Variants in ZDHHC21 observed in about 807,000 individuals in gnomAD.
ZDHHC21 encodes the protein zDHHC palmitoyltransferase 21, also known as palmitoyltransferase ZDHHC21.
Under a neutral mutation model 34.6 loss-of-function variants are expected in ZDHHC21, and 15 were observed. That is an observed-to-expected ratio of 0.43 (90% CI 0.29 to 0.67). ZDHHC21 has a LOEUF of 0.67. Among genes scored for constraint, ZDHHC21 ranks in the 30% least tolerant of loss-of-function variants. The pLI, the probability that ZDHHC21 is intolerant of heterozygous loss-of-function variation, is 0.14. For missense variants in ZDHHC21, 344 were observed against 327.7 expected, an observed-to-expected ratio of 1.05 and a Z score of -0.38; for synonymous variants, 142 against 101.8, an observed-to-expected ratio of 1.40 and a Z score of -2.38.
chr9:14,672,354 A>G (rs1023054447), intron 5 of ZDHHC21, among the ~76,000 whole-genome samples: 2 of 152,220 alleles, frequency 1.3e-5, no homozygotes, highest in African/African-American at 4.8e-5. Context: ...CATATTTACA[A>G]AAGAATCAGG....
intron 8 of ZDHHC21, chr9:14,622,721 T>A (rs1825515194): frequency 1.0e-6 from 1 of 984,920 alleles, no homozygotes; most frequent in Admixed American, 6.2e-5. Flanking sequence ...GAATAAACAA[T>A]CTGTTATATG....
chr9:14,634,530 CACA>C (rs1308474249), intron 8 of ZDHHC21, among the ~76,000 whole-genome samples: 13 of 152,140 alleles, frequency 8.5e-5, no homozygotes, highest in Non-Finnish European at 1.5e-5. Flanking sequence ...AAAATTTCAC[CACA>C]ACATCCACTA....
chr9:14,630,242 C>A (rs1158767104), intron 8 of ZDHHC21, among the ~76,000 whole-genome samples: 1 of 152,184 alleles, frequency 6.6e-6, no homozygotes, highest in Non-Finnish European at 1.5e-5. Flanking sequence ...TCTTCTAAAT[C>A]CTTTGTTGTC....
intron 8 of ZDHHC21, among the ~76,000 whole-genome samples, chr9:14,634,058 A>T (rs1827838589): frequency 6.6e-6 from 1 of 152,158 alleles, no homozygotes; most frequent in Admixed American, 6.5e-5. Flanking sequence ...GTACCCAAGC[A>T]CACTGTCCAG....
chr9:14,596,422 C>T, the ZDHHC21 span, among the ~76,000 whole-genome samples: 1 of 152,192 alleles, frequency 6.6e-6, no homozygotes, highest in Non-Finnish European at 1.5e-5. Context: ...GTATGGCTAC[C>T]TGGAAATGGG....
chr9:14,626,338 T>C (rs79772404), intron 8 of ZDHHC21, among the ~76,000 whole-genome samples: 2,032 of 152,054 alleles, frequency 0.013, 52 homozygotes, highest in African/African-American at 0.046. Context: ...ATTCAGATCA[T>C]GAAATAATAA....
Position 14,672,867 on chromosome 9 carries a change from T to A in ZDHHC21, c.216A>T (p.Pro72=), listed in dbSNP as rs754989082. The A allele has an allele frequency of 6.2e-7, 1 of 1,609,430 alleles. No individual in the cohort carries two copies. Among genetic ancestry groups the A allele is most frequent in the Admixed American group, 1.7e-5 (1 of 59,920 alleles). The change falls in exon 5 of 10, where the codon CCA becomes CCT. Residue 72 remains proline (P), a synonymous_variant. Transcript: ENST00000380916. The part of the protein sequence containing the change: ...VALVRASITD[P]GRLPENPKIP... Reference sequence around the variant, plus strand: ...TCTTGGGGTTCTCAGGGAGTCTTCCTGGATCAGTTATGGAGGCCCTCACTA... The same window carrying A: ...TCTTGGGGTTCTCAGGGAGTCTTCCAGGATCAGTTATGGAGGCCCTCACTA...
chr9:14,627,201 G>C (rs1175765190), intron 8 of ZDHHC21, among the ~76,000 whole-genome samples: 1 of 152,074 alleles, frequency 6.6e-6, no homozygotes, highest in Non-Finnish European at 1.5e-5. Flanking sequence ...CGACTGATTC[G>C]TAAAATGCTG....
rs549275900 is a variant in ZDHHC21 at position 14,611,118 on chromosome 9, A to T, written c.*7848T>A. ...TTAAAAATAAGATTTCAAAAAATAC[A>T]GTACTTAATACATTTTGAGAAGTAA... On this transcript the variant is annotated 3_prime_UTR_variant, in exon 10 of 10. Transcript: ENST00000380916. 1.3e-3 allele frequency: 204 copies of T among 152,210 alleles called. 2 individuals carry two copies. Among genetic ancestry groups the T allele is most frequent in the African/African-American group, 4.7e-3 (197 of 41,570 alleles). The allele number at this position is 152,210 out of a possible 1,614,324, so 9.4% of individuals were successfully genotyped here. A position where few individuals can be genotyped will look rare whatever the true frequency, so the allele number is the denominator to read the frequency against.
chr9:14,658,372 G>A (rs1357038159), intron 7 of ZDHHC21, among the ~76,000 whole-genome samples: 1 of 135,764 alleles, frequency 7.4e-6, no homozygotes, highest in Non-Finnish European at 1.6e-5. Context: ...CCAATCTTTT[G>A]TTGTTTTGTT....
rs1219965138 is a variant in ZDHHC21, at chr9:14,618,756, GTAAACATGCTTTAAAACT to G, written c.*192_*209del. 1 of 432,848 alleles carries G rather than the reference GTAAACATGCTTTAAAACT, an allele frequency of 2.3e-6. No homozygotes were observed. The highest frequency in any genetic ancestry group is 3.8e-6 in the Non-Finnish European group (1 of 262,234). 26.8% of individuals were successfully genotyped at this position (432,848 alleles called of 1,614,324 possible). On this transcript the variant is annotated 3_prime_UTR_variant, in exon 10 of 10. Coordinates refer to ENST00000380916, the MANE Select transcript of ZDHHC21 (RefSeq NM_178566.6). ...ATCCCTGTGGAAAGCTAATTTGAAA[GTAAACATGCTTTAAAACT>G]TAAATATAGATCTTGTATTAGTCCC... is the stretch of plus-strand genomic sequence containing the variant.
At chr9:14,623,750 T>C (rs963377191) in intron 8 of ZDHHC21, among the ~76,000 whole-genome samples, 2 of 151,430 alleles carry the variant, frequency 1.3e-5, no homozygotes, top group Non-Finnish European at 2.9e-5. Flanking sequence ...TCAACACCAC[T>C]AGCCATCAGA....
At chr9:14,590,227 T>C in the ZDHHC21 span, among the ~76,000 whole-genome samples, 12 of 152,044 alleles carry the variant, frequency 7.9e-5, no homozygotes, top group South Asian at 6.3e-4. Flanking sequence ...ACATGAAACA[T>C]AGAAACTATT....
At chr9:14,684,852 G>C (rs564766861) in intron 2 of ZDHHC21, among the ~76,000 whole-genome samples, 2 of 152,282 alleles carry the variant, frequency 1.3e-5, no homozygotes, top group South Asian at 4.1e-4. Context: ...TACCAAAACA[G>C]AGATACAGAC....
chr9:14,652,728 T>A (rs192002694), intron 7 of ZDHHC21, among the ~76,000 whole-genome samples: 4 of 151,974 alleles, frequency 2.6e-5, no homozygotes, highest in African/African-American at 9.7e-5. Flanking sequence ...GAGCATAACA[T>A]ACAACGTACC....
In ZDHHC21 at chr9:14,693,381, C is replaced by G. The variant is rs905387487; in HGVS notation, c.-377G>C. ...GCTTCCGGGAGCCTGAGGGCCTGGA[C>G]CGGCCGAGTGGGTGTCCGCATGCCC... On this transcript the variant is annotated 5_prime_UTR_variant, in exon 1 of 10. Transcript: ENST00000380916. The G allele has an allele frequency of 8.3e-6, 3 of 361,002 alleles. No individual in the cohort carries two copies. The highest frequency in any genetic ancestry group is 1.9e-5 in the South Asian group (1 of 51,604). 22.4% of individuals were successfully genotyped at this position (361,002 alleles called of 1,614,324 possible).
intron 8 of ZDHHC21, among the ~76,000 whole-genome samples, chr9:14,626,354 A>T (rs1365123661): frequency 6.6e-6 from 1 of 151,992 alleles, no homozygotes; most frequent in African/African-American, 2.4e-5. Context: ...AATAAAATGA[A>T]TATCTAGGAA....
chr9:14,609,953 C>G (rs114986458), downstream of ZDHHC21, among the ~76,000 whole-genome samples: 1 of 151,970 alleles, frequency 6.6e-6, no homozygotes, highest in Admixed American at 6.6e-5. Context: ...TGGTCTAATG[C>G]GAAGCAGTAT....
At chr9:14,684,919 C>T (rs554210897) in intron 2 of ZDHHC21, among the ~76,000 whole-genome samples, 32 of 152,190 alleles carry the variant, frequency 2.1e-4, no homozygotes, top group Non-Finnish European at 3.8e-4. Flanking sequence ...ACCACCTGAT[C>T]TTTGACAAAT....
Sources: allele counts gnomAD v4.1 joint callset (sites outside exome capture counted in the v4.1 genomes callset), GRCh38; gene constraint gnomAD v4.1.1; transcripts MANE v1.5; gene names NCBI Gene and HGNC (gene_info 2026-07-23, HGNC 2026-07-21).